PLEKHG6: variants seen among roughly 807,000 people sequenced by gnomAD.
PLEKHG6 encodes pleckstrin homology and RhoGEF domain containing G6.
In PLEKHG6, 91 loss-of-function variants were observed where a neutral mutation model predicts 97.5. The observed-to-expected ratio is 0.93, with a 90% CI of 0.79 to 1.11. PLEKHG6 has a LOEUF of 1.11. PLEKHG6 is among the 50% of genes most tolerant of loss of function. PLEKHG6 has a pLI of 0.00. For synonymous variants in PLEKHG6, 466 were observed against 425.5 expected (o/e 1.10, Z -1.17); for missense variants, 1,044 against 1,031.0 (o/e 1.01, Z -0.17).
At position 6,327,436 on chromosome 12, in the gene PLEKHG6, G is replaced by A. The variant is rs761204546; in HGVS notation, c.1853G>A (p.Arg618His). 3.2e-5 allele frequency: 52 copies of A among 1,613,768 alleles called. No homozygotes were observed. Among genetic ancestry groups the A allele is most frequent in the Middle Eastern group, 3.3e-4 (2 of 6,058 alleles). Reference protein sequence around the residue: ...LRQRALRRDPRLTFSTLELRD... With the variant: ...LRQRALRRDPHLTFSTLELRD... ...CAAAGAGCCCTTCGGCGGGACCCTC[G>A]CCTCACCTTCTCCACCCTGGAACTC... The change falls in exon 15 of 16, where the codon CGC becomes CAC. Residue 618 changes from arginine to histidine, a missense_variant. Physicochemically the swap from Arg to His is conservative, Grantham distance 29. Transcript: ENST00000684764.
In PLEKHG6 at chr12:6,313,646, C is replaced by T; in HGVS notation, c.156C>T (p.Arg52=). ...TCTCCCAGGATCCCAGTCGCCGACG[C>T]CTCCAGCAGTATGTCCCCTTTGCCA... ...GYPVLDPSRR[R]LQQYVPFARG... is the part of the protein sequence containing the mutation. Residue 52 remains arginine (R), a synonymous_variant, in exon 3 of 16, where the codon CGC becomes CGT. Transcript: ENST00000684764. 1.2e-6 allele frequency: 2 copies of T among 1,614,104 alleles called. No homozygotes were observed. The highest frequency in any genetic ancestry group is 1.3e-5 in the African/African-American group (1 of 75,064).
chr12:6,320,343 A>G lies in PLEKHG6; in HGVS notation c.1524+1235A>G, dbSNP rs145129600. On this transcript the variant is annotated intron_variant, in intron 13 of 15. Coordinates refer to ENST00000684764, the MANE Select transcript of PLEKHG6 (RefSeq NM_001384598.1). The stretch of plus-strand genomic sequence containing the variant: ...GGTCCCACAAACTTGGTGGCCTAAA[A>G]TGCATCAGAAGCTTACTCTCTCACA... 8.5e-5 allele frequency among the ~76,000 whole-genome samples: 13 copies of G among 152,324 alleles called. No homozygotes were observed. In the East Asian group the frequency reaches 2.5e-3, roughly 29 times the overall value.
At chr12:6,319,666 C>T in intron 13 of PLEKHG6, 2 of 1,534,854 alleles carry the variant, frequency 1.3e-6, no homozygotes, top group South Asian at 2.4e-5. Flanking sequence ...ATACAGCATC[C>T]CCTGAAGGTT....
At chr12:6,323,854 T>C (rs899599319) in intron 13 of PLEKHG6, among the ~76,000 whole-genome samples, 1 of 152,194 alleles carries the variant, frequency 6.6e-6, no homozygotes, top group Non-Finnish European at 1.5e-5. Flanking sequence ...CTTTGGGGCC[T>C]GGGTAGGGCC....
Position 6,316,063 on chromosome 12 carries a change from G to A in PLEKHG6, c.606+144G>A. ...GCCCTCCCTACTTCCCTGTTACTGG[G>A]GACTCCAAGCAGGCCACAGGCCCCC... On this transcript the variant is annotated intron_variant, in intron 6 of 15. Coordinates refer to ENST00000684764, the MANE Select transcript of PLEKHG6 (RefSeq NM_001384598.1). This position sits in a 1 kb window ranked among gnomAD's most constrained non-coding sequence, Gnocchi z 4.1. 1 of 923,404 alleles carries A rather than the reference G, an allele frequency of 1.1e-6. No individual in the cohort carries two copies. The highest frequency in any genetic ancestry group is 1.6e-6 in the Non-Finnish European group (1 of 619,114). The allele number at this position is 923,404 out of a possible 1,614,324, so 57.2% of individuals were successfully genotyped here.
intron 2 of PLEKHG6, chr12:6,312,617 G>C: frequency 7.7e-7 from 1 of 1,297,454 alleles, no homozygotes; most frequent in Non-Finnish European, 9.8e-7. Flanking sequence ...AGTGCTGTTA[G>C]ACAGGTCTCA....
intron 3 of PLEKHG6, 88 bp downstream of exon 3, chr12:6,313,872 A>T: frequency 1.6e-6 from 2 of 1,269,908 alleles, no homozygotes; most frequent in Non-Finnish European, 1.1e-6. Context: ...GGGAGCTGAG[A>T]ACACAGGTCC....
chr12:6,313,443 G>A (rs796390118), intron 2 of PLEKHG6, among the ~76,000 whole-genome samples, 186 bp from the exon 3 acceptor site: 13 of 152,324 alleles, frequency 8.5e-5, no homozygotes, highest in African/African-American at 2.9e-4. Flanking sequence ...TAGCCTTGCC[G>A]GCAGTGGCCG....
intron 13 of PLEKHG6, among the ~76,000 whole-genome samples, chr12:6,325,747 GA>G (rs1947837936): frequency 6.6e-6 from 1 of 152,174 alleles, no homozygotes; most frequent in Non-Finnish European, 1.5e-5. Flanking sequence ...AGGGCTTCCT[GA>G]AGGAGGGGGA....
chr12:6,321,821 T>C, intron 13 of PLEKHG6, among the ~76,000 whole-genome samples: 1 of 12,828 alleles, frequency 7.8e-5, no homozygotes, highest in Non-Finnish European at 1.6e-4. Context: ...AGCGAGACTC[T>C]GTCTTAAAAA....
chr12:6,316,231 G>A lies in PLEKHG6; in HGVS notation c.607-24G>A. 1.3e-6 allele frequency: 2 copies of A among 1,536,696 alleles called. No homozygotes were observed. Among genetic ancestry groups the A allele is most frequent in the Non-Finnish European group, 1.8e-6 (2 of 1,137,604 alleles). On this transcript the variant is annotated intron_variant, in intron 6 of 15. Transcript: ENST00000684764. The surrounding 1 kb of genome is among the most constrained non-coding windows in gnomAD (Gnocchi z 4.1). ...CCTGGGGACCTTCCAAAAGTGTGCT[G>A]CTCAGCTCTGCTCCCTCCTCCAGGT...
At chr12:6,324,526 C>T (rs1947806952) in intron 13 of PLEKHG6, among the ~76,000 whole-genome samples, 1 of 152,124 alleles carries the variant, frequency 6.6e-6, no homozygotes, top group Admixed American at 6.5e-5. Context: ...TCTCTTTTCT[C>T]ACTTCTTCCC....
intron 13 of PLEKHG6, among the ~76,000 whole-genome samples, chr12:6,326,162 G>A (rs748407272): frequency 1.5e-4 from 23 of 151,954 alleles, no homozygotes; most frequent in Non-Finnish European, 2.6e-4. Flanking sequence ...AAAATTAGCC[G>A]GGCACGTTGG....
intron 3 of PLEKHG6, among the ~76,000 whole-genome samples, chr12:6,314,157 G>A (rs1204182510): frequency 6.6e-6 from 1 of 152,166 alleles, no homozygotes; most frequent in Non-Finnish European, 1.5e-5. Flanking sequence ...CATCCAGATG[G>A]AGTGAGTGAG....
At chr12:6,321,806 G>T (rs1488348018) in intron 13 of PLEKHG6, among the ~76,000 whole-genome samples, 2 of 129,664 alleles carry the variant, frequency 1.5e-5, no homozygotes, top group African/African-American at 6.0e-5. Context: ...CAGCCTGGGC[G>T]ACAGAGCGAG....
chr12:6,312,796 C>G, intron 2 of PLEKHG6: 1 of 1,222,340 alleles, frequency 8.2e-7, no homozygotes, highest in Non-Finnish European at 1.0e-6. Context: ...TGGGTAGGGA[C>G]AGGAGGGTGC....
chr12:6,328,502 A>G lies in PLEKHG6; in HGVS notation c.*357A>G, dbSNP rs1947956743. 1 of 208,544 alleles carries G rather than the reference A, an allele frequency of 4.8e-6. No homozygotes were observed. The highest frequency in any genetic ancestry group is 9.6e-6 in the Non-Finnish European group (1 of 103,950). 12.9% of individuals were successfully genotyped at this position (208,544 alleles called of 1,614,324 possible). On this transcript the variant is annotated 3_prime_UTR_variant, in exon 16 of 16. Coordinates refer to ENST00000684764, the MANE Select transcript of PLEKHG6 (RefSeq NM_001384598.1). ...TGTCTTTACAAAAAAAAATTTTAAAAATTACCCAGGTGTGGTGGTGTGCCT... is the reference window on the plus strand; with the variant it reads ...TGTCTTTACAAAAAAAAATTTTAAAGATTACCCAGGTGTGGTGGTGTGCCT...
chr12:6,315,722 AGGTCAC>A lies in PLEKHG6; in HGVS notation c.555+74_555+79del. 8.1e-7 allele frequency: 1 copy of A among 1,232,566 alleles called. No individual in the cohort carries two copies. Among genetic ancestry groups the A allele is most frequent in the Non-Finnish European group, 1.1e-6 (1 of 871,244 alleles). 76.4% of individuals were successfully genotyped at this position (1,232,566 alleles called of 1,614,324 possible). A position where few individuals can be genotyped will look rare whatever the true frequency, so the allele number is the denominator to read the frequency against. On this transcript the variant is annotated intron_variant, in intron 5 of 15. Coordinates refer to ENST00000684764, the MANE Select transcript of PLEKHG6 (RefSeq NM_001384598.1). The surrounding 1 kb of genome is among the most constrained non-coding windows in gnomAD (Gnocchi z 4.5). ...CCCCCATCCTCCCAGACTGGAAGGC[AGGTCAC>A]TGGGGGAGGGAGGGGCAGGATTTCA... is the stretch of plus-strand genomic sequence containing the variant.
In PLEKHG6 at chr12:6,316,341, G is replaced by A. The variant is rs1376166471; in HGVS notation, c.693G>A (p.Leu231=). 1 of 1,563,904 alleles carries A rather than the reference G, an allele frequency of 6.4e-7. No homozygotes were observed. Among genetic ancestry groups the A allele is most frequent in the South Asian group, 1.2e-5 (1 of 84,868 alleles). The change falls in exon 7 of 16, where the codon CTG becomes CTA. Residue 231 remains leucine (L), a synonymous_variant. Coordinates refer to ENST00000684764, the MANE Select transcript of PLEKHG6 (RefSeq NM_001384598.1). The surrounding 1 kb of genome is among the most constrained non-coding windows in gnomAD (Gnocchi z 4.1). The part of the protein sequence containing the change: ...SFWDEVLGPT[L]EETRASGQPL... Reference sequence around the variant, plus strand: ...GGGATGAGGTGCTGGGGCCCACCCTGGAGGAGACTCGGGCCTCGGGCCAGC... The same window carrying A: ...GGGATGAGGTGCTGGGGCCCACCCTAGAGGAGACTCGGGCCTCGGGCCAGC...
Sources: allele counts gnomAD v4.1 joint callset (sites outside exome capture counted in the v4.1 genomes callset), GRCh38; gene constraint gnomAD v4.1.1; non-coding constraint Gnocchi (gnomAD v3.1); transcripts MANE v1.5; gene names NCBI Gene and HGNC (gene_info 2026-07-23, HGNC 2026-07-21).